Variants in KATNIP observed in about 807,000 individuals in gnomAD.
The protein encoded by KATNIP is katanin-interacting protein.
In KATNIP, 126 loss-of-function variants were observed where a neutral mutation model predicts 174.0. That is an observed-to-expected ratio of 0.72 (90% CI 0.63 to 0.84). KATNIP has a LOEUF of 0.84. Ranked by LOEUF, KATNIP falls within the 40% of genes least tolerant of loss-of-function variation. KATNIP has a pLI of 0.00. For synonymous variants in KATNIP, 810 were observed against 835.7 expected, an observed-to-expected ratio of 0.97 and a Z score of 0.53; for missense variants, 1,958 against 2,109.7, an observed-to-expected ratio of 0.93 and a Z score of 1.41.
intron 4 of KATNIP, among the ~76,000 whole-genome samples, chr16:27,629,165 C>CA (rs1169255800): frequency 0.048 from 3,028 of 63,686 alleles, 90 homozygotes; most frequent in African/African-American, 0.083. Flanking sequence ...GAGACTCTGT[C>CA]AAAAAAAAAA....
chr16:27,749,609 G>A lies in KATNIP; in HGVS notation c.2649G>A (p.Pro883=), dbSNP rs377469801. 5.7e-5 allele frequency: 88 copies of A among 1,535,366 alleles called. No homozygotes were observed. Among genetic ancestry groups the A allele is most frequent in the Non-Finnish European group, 6.5e-5 (74 of 1,142,524 alleles). ...SREDTWSSRT[P]SRSRWRSEQE... is the part of the protein sequence containing the mutation. ...AAGACACCTGGTCTTCCAGGACGCC[G>A]TCACGGTCAAGGTGGCGCAGTGAGC... Residue 883 remains proline, a synonymous_variant, in exon 16 of 28, where the codon CCG becomes CCA. Transcript: ENST00000261588.
chr16:27,586,993 A>C (rs545053016), intron 2 of KATNIP, among the ~76,000 whole-genome samples: 1 of 151,004 alleles, frequency 6.6e-6, no homozygotes, highest in Non-Finnish European at 1.5e-5. Context: ...GCTTTATTGA[A>C]GTCCTGGGAG....
chr16:27,753,749 C>T lies in KATNIP; in HGVS notation c.3553-424C>T, dbSNP rs1222987209. Among the ~76,000 whole-genome samples the T allele has an allele frequency of 2.0e-5, 3 of 149,742 alleles. No individual in the cohort carries two copies. In the East Asian group the frequency reaches 6.0e-4, roughly 30 times the overall value. ...TCCTTCCTTCCCTCCCTCCCTCCCT[C>T]CTTCCTTCTTTTCCTCCTTCCCTCC... On this transcript the variant is annotated intron_variant, in intron 17 of 27. Transcript: ENST00000261588.
At chr16:27,661,993 C>CATAT (rs56350763) in intron 6 of KATNIP, among the ~76,000 whole-genome samples, 1 of 5,504 alleles carries the variant, frequency 1.8e-4, no homozygotes, top group African/African-American at 1.1e-3. Flanking sequence ...TATACACATA[C>CATAT]ATATATATAT....
Position 27,777,132 on chromosome 16 carries a change from C to G in KATNIP, c.4551+103C>G. 1 of 773,440 alleles carries G rather than the reference C, an allele frequency of 1.3e-6. No homozygotes were observed. The highest frequency in any genetic ancestry group is 1.6e-5 in the South Asian group (1 of 63,452). The allele number at this position is 773,440 out of a possible 1,614,324, so 47.9% of individuals were successfully genotyped here. A position where few individuals can be genotyped will look rare whatever the true frequency, so the allele number is the denominator to read the frequency against. On this transcript the variant is annotated intron_variant, in intron 25 of 27. Coordinates refer to ENST00000261588, the MANE Select transcript of KATNIP (RefSeq NM_015202.5). The surrounding 1 kb of genome is among the most constrained non-coding windows in gnomAD (Gnocchi z 4.4). ...CAGTTTGATTTACTTCTCTCTGTTG[C>G]AACCCTCAACACAAATGCCTGGTCG...
intron 2 of KATNIP, among the ~76,000 whole-genome samples, chr16:27,586,084 G>T (rs941152003): frequency 1.6e-4 from 24 of 151,998 alleles, no homozygotes; most frequent in African/African-American, 5.6e-4. Flanking sequence ...TGGGCGATAA[G>T]AGGGAGACTC....
chr16:27,698,469 G>A lies in KATNIP; in HGVS notation c.1082G>A (p.Arg361Lys), dbSNP rs764418749. Residue 361 changes from arginine to lysine, a missense_variant, in exon 9 of 28, where the codon AGA (arginine) becomes AAA (lysine). Transcript: ENST00000261588. Reference sequence around the variant, plus strand: ...GCCCTGCAGAGGGCGCTCCTCAGCAGAAAGGCCGAGCAGCCAGCCAGCCCA... The same window carrying A: ...GCCCTGCAGAGGGCGCTCCTCAGCAAAAAGGCCGAGCAGCCAGCCAGCCCA... ...NAALQRALLS[R>K]KAEQPASPLQ... 1 of 1,611,644 alleles carries A rather than the reference G, an allele frequency of 6.2e-7. No homozygotes were observed. Among genetic ancestry groups the A allele is most frequent in the Middle Eastern group, 1.8e-4 (1 of 5,698 alleles).
intron 2 of KATNIP, among the ~76,000 whole-genome samples, chr16:27,588,743 T>A (rs1053597007): frequency 2.0e-5 from 3 of 152,126 alleles, no homozygotes; most frequent in African/African-American, 7.2e-5. Flanking sequence ...TTATTAAAAA[T>A]TTTTCAAGTT....
At chr16:27,696,965 G>C (rs1161820844) in intron 8 of KATNIP, among the ~76,000 whole-genome samples, 1 of 152,002 alleles carries the variant, frequency 6.6e-6, no homozygotes, top group Non-Finnish European at 1.5e-5. Flanking sequence ...CTGACTTCAG[G>C]TGATCCACCC....
In KATNIP at chr16:27,777,573, G is replaced by A. The variant is rs762951961; in HGVS notation, c.4552-37G>A. 4.7e-5 allele frequency: 73 copies of A among 1,567,908 alleles called. No individual in the cohort carries two copies. The highest frequency in any genetic ancestry group is 6.2e-5 in the Non-Finnish European group (72 of 1,154,748). ...TGCCCAAGGTCAACGTGGGAGGGAC[G>A]AGGGGGACCCATGAGTCCTGCCCCG... On this transcript the variant is annotated intron_variant, in intron 25 of 27. Transcript: ENST00000261588. The surrounding 1 kb of genome is among the most constrained non-coding windows in gnomAD (Gnocchi z 4.4).
chr16:27,654,714 T>G lies in KATNIP; in HGVS notation c.540+5979T>G, dbSNP rs375930258. On this transcript the variant is annotated intron_variant, in intron 6 of 27. Transcript: ENST00000261588. ...AGCAGCGTGGACAAAGAAAGGATCC[T>G]CTTAACTATTCAGGATGTGATGGTA... 48 of 1,352,032 alleles carry G rather than the reference T, an allele frequency of 3.6e-5. 1 individual carries two copies. In the East Asian group the frequency reaches 1.2e-3, roughly 35 times the overall value. 83.8% of individuals were successfully genotyped at this position (1,352,032 alleles called of 1,614,324 possible).
chr16:27,775,559 C>T (rs1386130295), intron 24 of KATNIP, among the ~76,000 whole-genome samples: 2 of 152,256 alleles, frequency 1.3e-5, no homozygotes, highest in African/African-American at 2.4e-5. Context: ...GTCAGCTCTT[C>T]CGACCAACTG....
intron 5 of KATNIP, 196 bp downstream of exon 5, chr16:27,631,358 A>T: frequency 1.8e-6 from 1 of 547,278 alleles, no homozygotes. Flanking sequence ...TGGGCAACAA[A>T]GTGAGACTTC....
intron 12 of KATNIP, among the ~76,000 whole-genome samples, chr16:27,704,438 T>A (rs141236505): frequency 1.1e-3 from 174 of 152,312 alleles, no homozygotes; most frequent in African/African-American, 3.7e-3. Context: ...GAAATCCTCT[T>A]GGAAAACAGA....
chr16:27,742,334 G>A (rs964192790), intron 15 of KATNIP, among the ~76,000 whole-genome samples: 4 of 152,222 alleles, frequency 2.6e-5, no homozygotes, highest in Non-Finnish European at 5.9e-5. Flanking sequence ...CCCACCCAGT[G>A]TGGCAAGGAA....
At chr16:27,599,655 C>T (rs922053010) in intron 2 of KATNIP, among the ~76,000 whole-genome samples, 2 of 152,234 alleles carry the variant, frequency 1.3e-5, no homozygotes, top group African/African-American at 4.8e-5. Context: ...GTCCTCTCAT[C>T]TAAGCACCTG....
chr16:27,721,742 G>A (rs745432290), intron 14 of KATNIP, 47 bp downstream of exon 14: 3 of 1,592,448 alleles, frequency 1.9e-6, no homozygotes, highest in Non-Finnish European at 2.6e-6. Context: ...GTTGATGGAA[G>A]CACTTAGCAG....
chr16:27,777,890 C>A lies in KATNIP; in HGVS notation c.4722C>A (p.Ala1574=), dbSNP rs373515155. The A allele has an allele frequency of 1.2e-6, 2 of 1,614,094 alleles. No homozygotes were observed. Among genetic ancestry groups the A allele is most frequent in the Non-Finnish European group, 1.7e-6 (2 of 1,179,920 alleles). ...QEKHTTISNQ[A]EDQDVQMMNE... ...TCCTTCCTACCCTCAGTAATCAGGC[C>A]GAGGATCAAGATGTCCAGATGATGA... The change falls in exon 27 of 28, where the codon GCC becomes GCA. Residue 1574 remains alanine, a synonymous_variant. Transcript: ENST00000261588. The surrounding 1 kb of genome is among the most constrained non-coding windows in gnomAD (Gnocchi z 4.4).
chr16:27,587,124 C>T (rs1363445896), intron 2 of KATNIP, among the ~76,000 whole-genome samples: 1 of 152,124 alleles, frequency 6.6e-6, no homozygotes, highest in Non-Finnish European at 1.5e-5. Context: ...TACCTAACCT[C>T]TCTGCGCGTC....
Sources: gnomAD v4.1 joint callset for allele counts (sites outside exome capture counted in the v4.1 genomes callset) on GRCh38, gnomAD v4.1.1 for gene constraint, Gnocchi (gnomAD v3.1) non-coding constraint, MANE v1.5 for transcripts, NCBI Gene and HGNC (gene_info 2026-07-23, HGNC 2026-07-21) for gene names.